Variants in PARD3B observed in about 807,000 individuals in gnomAD.
PARD3B encodes the protein par-3 family cell polarity regulator beta, also known as partitioning defective 3 homolog B.
PARD3B carries 103 observed loss-of-function variants against 130.2 expected under a neutral mutation model. That is an observed-to-expected ratio of 0.79 (90% CI 0.67 to 0.93). PARD3B has a LOEUF of 0.93. Ranked by LOEUF, PARD3B falls within the 40% of genes least tolerant of loss-of-function variation. The pLI is 0.00. For missense variants in PARD3B, 1,609 were observed against 1,499.2 expected, an observed-to-expected ratio of 1.07 and a Z score of -1.21; for synonymous variants, 583 against 553.2, an observed-to-expected ratio of 1.05 and a Z score of -0.76.
At chr2:205,576,722 C>T (rs573585607) in intron 22 of PARD3B, among the ~76,000 whole-genome samples, 15 of 152,274 alleles carry the variant, frequency 9.9e-5, no homozygotes, top group Admixed American at 2.6e-4. Context: ...TTAAAGTTGG[C>T]TATTATCGGT....
chr2:204,881,457 A>G (rs896951788), intron 2 of PARD3B, among the ~76,000 whole-genome samples: 1 of 152,198 alleles, frequency 6.6e-6, no homozygotes. Flanking sequence ...ATTTTTGCTT[A>G]ATAAGAAAAC....
In PARD3B at chr2:205,615,760, C is replaced by T. The variant is rs756191919; in HGVS notation, c.3565C>T (p.Pro1189Ser). ...GPRGGSPDQYPYRTQDSRQKN... is the reference protein window; with the variant it reads ...GPRGGSPDQYSYRTQDSRQKN... ...CCGTGGGGGCAGCCCAGACCAGTAC[C>T]CTTACCGAACCCAGGATTCCCGGCA... Residue 1189 changes from proline to serine, a missense_variant, in exon 23 of 23, where the codon CCT becomes TCT. Pro to Ser is a moderately conservative substitution (Grantham distance 74). Coordinates refer to ENST00000406610, the MANE Select transcript of PARD3B (RefSeq NM_001302769.2). 2 of 1,614,046 alleles carry T rather than the reference C, an allele frequency of 1.2e-6. No individual in the cohort carries two copies. The highest frequency in any genetic ancestry group is 1.7e-6 in the Non-Finnish European group (2 of 1,179,976).
intron 15 of PARD3B, among the ~76,000 whole-genome samples, chr2:205,242,796 A>T (rs1381495546): frequency 6.6e-6 from 1 of 152,148 alleles, no homozygotes; most frequent in Non-Finnish European, 1.5e-5. Context: ...GTGCTTTTGT[A>T]CATTTTTTTT....
At chr2:204,876,021 C>T (rs1164738504) in intron 2 of PARD3B, among the ~76,000 whole-genome samples, 1 of 152,072 alleles carries the variant, frequency 6.6e-6, no homozygotes, top group Non-Finnish European at 1.5e-5. Flanking sequence ...CTTTTTAGGA[C>T]CTGGATTTGA....
chr2:204,603,453 A>T (rs1486065620), intron 1 of PARD3B, among the ~76,000 whole-genome samples: 1 of 152,148 alleles, frequency 6.6e-6, no homozygotes, highest in South Asian at 2.1e-4. Context: ...AAGTACTGAG[A>T]AGTAAAGTAA....
intron 20 of PARD3B, among the ~76,000 whole-genome samples, chr2:205,448,747 G>A (rs78393485): frequency 0.01 from 1,552 of 152,214 alleles, 19 homozygotes; most frequent in Non-Finnish European, 0.016. Context: ...TCTTCAGTTA[G>A]CTATTAATCT....
At chr2:204,747,467 G>A (rs555000041) in intron 2 of PARD3B, among the ~76,000 whole-genome samples, 1 of 152,274 alleles carries the variant, frequency 6.6e-6, no homozygotes, top group African/African-American at 2.4e-5. Context: ...CCATGCTCAT[G>A]GATAGGAAGA....
intron 3 of PARD3B, among the ~76,000 whole-genome samples, chr2:205,033,509 A>T (rs567905138): frequency 6.6e-6 from 1 of 152,236 alleles, no homozygotes; most frequent in African/African-American, 2.4e-5. Flanking sequence ...TAGTTTCCTC[A>T]ATCAGTTGTT....
rs58373732 is a variant in PARD3B, at chr2:204,732,507, C to CTTT, written c.222+46238_222+46240dup. Among the ~76,000 whole-genome samples the CTTT allele has an allele frequency of 2.2e-4, 32 of 144,608 alleles. 1 individual carries two copies. Among genetic ancestry groups the CTTT allele is most frequent in the Middle Eastern group, 3.6e-3 (1 of 274 alleles). 94.9% of individuals were successfully genotyped at this position (144,608 alleles called of 152,430 possible). A position where few individuals can be genotyped will look rare whatever the true frequency, so the allele number is the denominator to read the frequency against. On this transcript the variant is annotated intron_variant, in intron 2 of 22. Transcript: ENST00000406610. ...TCACAAGAGAAGAAAGTAAGGATAT[C>CTTT]TTTTTTTTTTTTTTTGAGACGGAGT...
At chr2:205,515,804 G>C (rs2050771637) in intron 21 of PARD3B, among the ~76,000 whole-genome samples, 1 of 152,048 alleles carries the variant, frequency 6.6e-6, no homozygotes, top group South Asian at 2.1e-4. Context: ...AGTTTATTTA[G>C]ATCTCATTTG....
intron 18 of PARD3B, among the ~76,000 whole-genome samples, chr2:205,389,151 T>A (rs1344532054): frequency 6.6e-6 from 1 of 152,182 alleles, no homozygotes; most frequent in East Asian, 1.9e-4. Flanking sequence ...TTTCTAAGTT[T>A]ATTGGTAGTT....
chr2:205,448,514 G>T (rs61056259), intron 20 of PARD3B, among the ~76,000 whole-genome samples: 6,529 of 152,202 alleles, frequency 0.043, 483 homozygotes, highest in African/African-American at 0.15. Flanking sequence ...CTTTATCCAA[G>T]TTGAATATTT....
At chr2:204,587,378 A>G (rs1434991527) in intron 1 of PARD3B, among the ~76,000 whole-genome samples, 1 of 152,202 alleles carries the variant, frequency 6.6e-6, no homozygotes, top group African/African-American at 2.4e-5. Flanking sequence ...CATCTACTTT[A>G]ATTACTTTCA....
At chr2:205,019,817 G>A (rs900004949) in intron 3 of PARD3B, among the ~76,000 whole-genome samples, 2 of 152,132 alleles carry the variant, frequency 1.3e-5, no homozygotes, top group Non-Finnish European at 2.9e-5. Context: ...AAGATATTAG[G>A]GATGGAAACA....
At chr2:204,755,830 C>T (rs898331177) in intron 2 of PARD3B, among the ~76,000 whole-genome samples, 3 of 151,980 alleles carry the variant, frequency 2.0e-5, no homozygotes, top group African/African-American at 7.2e-5. Context: ...TGACTTTTAC[C>T]ACTATTTATC....
In PARD3B at chr2:205,269,593, T is replaced by G. The variant is rs1023952561; in HGVS notation, c.2185+23771T>G. On this transcript the variant is annotated intron_variant, in intron 16 of 22. Transcript: ENST00000406610. This position sits in a 1 kb window ranked among gnomAD's most constrained non-coding sequence, Gnocchi z 4.7. ...GCTGCTGATTCTCAATAACCACACT[T>G]ACACCTGACAAACAAAAATGCATTA... Among the ~76,000 whole-genome samples, 1 of 152,144 alleles carries G rather than the reference T, an allele frequency of 6.6e-6. No individual in the cohort carries two copies. The highest frequency in any genetic ancestry group is 2.4e-5 in the African/African-American group (1 of 41,432).
chr2:204,902,682 A>G (rs2046910472), intron 2 of PARD3B, among the ~76,000 whole-genome samples: 1 of 151,724 alleles, frequency 6.6e-6, no homozygotes, highest in Non-Finnish European at 1.5e-5. Flanking sequence ...AAAAAAAAAA[A>G]AAAAAAAAAA....
intron 2 of PARD3B, among the ~76,000 whole-genome samples, chr2:204,688,915 A>G (rs1033718852): frequency 2.6e-5 from 4 of 152,184 alleles, no homozygotes; most frequent in Non-Finnish European, 4.4e-5. Flanking sequence ...ATAGATGCAC[A>G]TAATCATTGT....
chr2:205,290,804 T>C (rs1028073404), intron 16 of PARD3B, among the ~76,000 whole-genome samples: 79 of 152,274 alleles, frequency 5.2e-4, no homozygotes, highest in African/African-American at 1.9e-3. Context: ...TATTAGGTCG[T>C]GATGCTGGAA....
Sources: allele counts gnomAD v4.1 joint callset (sites outside exome capture counted in the v4.1 genomes callset), GRCh38; gene constraint gnomAD v4.1.1; non-coding constraint Gnocchi (gnomAD v3.1); transcripts MANE v1.5; gene names NCBI Gene and HGNC (gene_info 2026-07-23, HGNC 2026-07-21).